The following RAB11FIP3 variants were observed in gnomAD, a reference collection of about 807,000 sequenced individuals.
RAB11FIP3 encodes RAB11 family interacting protein 3.
RAB11FIP3 carries 17 observed loss-of-function variants against 77.8 expected under a neutral mutation model. That is an observed-to-expected ratio of 0.22 (90% CI 0.15 to 0.33). The LOEUF (loss-of-function observed/expected upper bound fraction) is 0.33. RAB11FIP3 is among the 10% of genes least tolerant of loss of function. The pLI, the probability that RAB11FIP3 is intolerant of heterozygous loss-of-function variation, is 1.00. For synonymous variants in RAB11FIP3, 437 were observed against 448.2 expected (o/e 0.98, Z 0.31); for missense variants, 1,005 against 1,011.2 (o/e 0.99, Z 0.08).
intron 3 of RAB11FIP3, among the ~76,000 whole-genome samples, chr16:480,286 C>CAAA (rs56228402): frequency 1.2e-5 from 1 of 80,024 alleles, no homozygotes; most frequent in Non-Finnish European, 2.3e-5. Context: ...ACTCCTTCTC[C>CAAA]AAAAAAAAAA....
Position 470,034 on chromosome 16 carries a change from G to A in RAB11FIP3, c.809-1261G>A, listed in dbSNP as rs142910932. ...TTTTGAGATGGAGTCTTGCTCTGTC[G>A]CCCAGGCTGGAGTGCAGAGTGGTGT... On this transcript the variant is annotated intron_variant, in intron 2 of 13. Transcript: ENST00000262305. Among the ~76,000 whole-genome samples the A allele has an allele frequency of 8.6e-5, 13 of 150,606 alleles. No homozygotes were observed. The East Asian group carries it at 9.8e-4, about 11-fold the overall frequency.
intron 3 of RAB11FIP3, among the ~76,000 whole-genome samples, chr16:474,636 C>T (rs1039844167): frequency 6.6e-6 from 1 of 152,174 alleles, no homozygotes; most frequent in Non-Finnish European, 1.5e-5. Flanking sequence ...CCCGTCCTCC[C>T]TCCTTCTCCC....
intron 5 of RAB11FIP3, among the ~76,000 whole-genome samples, chr16:492,542 A>AGCCCTTCCCGGGG (rs1567392733): frequency 1.4e-5 from 1 of 70,682 alleles, no homozygotes; most frequent in African/African-American, 1.1e-4. Context: ...GGCCGTCCAG[A>AGCCCTTCCCGGGG]ATCTTGGATT....
chr16:469,549 C>T (rs2055773832), intron 2 of RAB11FIP3, among the ~76,000 whole-genome samples: 1 of 152,000 alleles, frequency 6.6e-6, no homozygotes, highest in Non-Finnish European at 1.5e-5. Flanking sequence ...CATGCCCCCA[C>T]CACACCTGGC....
In RAB11FIP3 at chr16:505,567, C is replaced by A. The variant is rs138453938; in HGVS notation, c.1439C>A (p.Thr480Lys). 1 of 1,607,054 alleles carries A rather than the reference C, an allele frequency of 6.2e-7. No individual in the cohort carries two copies. The highest frequency in any genetic ancestry group is 8.5e-7 in the Non-Finnish European group (1 of 1,179,656). ...CGTGTGCTGGAGCTGGAAAAGGACACGGCAGCCACCGGTGAGCAACACAGC... is the reference window on the plus strand; with the variant it reads ...CGTGTGCTGGAGCTGGAAAAGGACAAGGCAGCCACCGGTGAGCAACACAGC... The part of the protein sequence containing the change: ...ERRVLELEKD[T>K]AATGEQHSRL... The change falls in exon 8 of 14, where the codon ACG becomes AAG. Residue 480 changes from threonine (T) to lysine (K), a missense_variant. Thr to Lys is a moderately conservative substitution (Grantham distance 78, BLOSUM62 -1). This residue lies in a region of RAB11FIP3 where 433 missense variants were observed against 436.1 expected (regional missense o/e 0.99). Transcript: ENST00000262305. This position sits in a 1 kb window ranked among gnomAD's most constrained non-coding sequence, Gnocchi z 4.0.
In RAB11FIP3 at chr16:425,928, G is replaced by A. The variant is rs2054930588; in HGVS notation, c.-79G>A. The A allele has an allele frequency of 5.6e-6, 3 of 532,738 alleles. No individual in the cohort carries two copies. Among genetic ancestry groups the A allele is most frequent in the African/African-American group, 2.1e-5 (1 of 47,746 alleles). 33.0% of individuals were successfully genotyped at this position (532,738 alleles called of 1,614,324 possible). A position where few individuals can be genotyped will look rare whatever the true frequency, so the allele number is the denominator to read the frequency against. Reference sequence around the variant, plus strand: ...GCGCGCCCGCCCGCGCCGCCGAGGGGATGCCCGCGCCCGCCGCCGCGCCCT... The same window carrying A: ...GCGCGCCCGCCCGCGCCGCCGAGGGAATGCCCGCGCCCGCCGCCGCGCCCT... On this transcript the variant is annotated 5_prime_UTR_variant, in exon 1 of 14. Coordinates refer to ENST00000262305, the MANE Select transcript of RAB11FIP3 (RefSeq NM_014700.4).
intron 1 of RAB11FIP3, among the ~76,000 whole-genome samples, chr16:433,325 A>G (rs1347777151): frequency 7.0e-6 from 1 of 142,816 alleles, no homozygotes; most frequent in Admixed American, 7.3e-5. Flanking sequence ...GCCACCGCTC[A>G]TTGCATATTT....
chr16:520,324 C>T (rs1180058722), intron 12 of RAB11FIP3, 47 bp downstream of exon 12: 1 of 1,555,196 alleles, frequency 6.4e-7, no homozygotes, highest in Non-Finnish European at 8.7e-7. Flanking sequence ...CAGAAGCTTC[C>T]ACAAGACTGG....
At chr16:442,183 C>T (rs931319782) in intron 1 of RAB11FIP3, among the ~76,000 whole-genome samples, 5 of 151,990 alleles carry the variant, frequency 3.3e-5, no homozygotes, top group African/African-American at 4.8e-5. Context: ...TTGCCCAGGC[C>T]GGAGCGCAGT....
At chr16:478,191 ACTT>A (rs1395432758) in intron 3 of RAB11FIP3, among the ~76,000 whole-genome samples, 6 of 143,924 alleles carry the variant, frequency 4.2e-5, no homozygotes, top group South Asian at 2.2e-4. Flanking sequence ...CACACTGTCT[ACTT>A]CTTTTTTTTT....
At position 471,355 on chromosome 16, in the gene RAB11FIP3, G is replaced by A; in HGVS notation, c.869G>A (p.Cys290Tyr). Reference sequence around the variant, plus strand: ...GCCCAAGATGAGGAGCCCCTGGCCTGCCCGGACGAGTTCGATGACTTCGTC... The same window carrying A: ...GCCCAAGATGAGGAGCCCCTGGCCTACCCGGACGAGTTCGATGACTTCGTC... ...ASAQDEEPLA[C>Y]PDEFDDFVTY... Residue 290 changes from cysteine to tyrosine, a missense_variant, in exon 3 of 14, where the codon TGC becomes TAC. Cys to Tyr is a radical substitution (Grantham distance 194, BLOSUM62 -2). This residue lies in a region of RAB11FIP3 where 466 missense variants were observed against 408.3 expected (regional missense o/e 1.14). Coordinates refer to ENST00000262305, the MANE Select transcript of RAB11FIP3 (RefSeq NM_014700.4). This position sits in a 1 kb window ranked among gnomAD's most constrained non-coding sequence, Gnocchi z 4.4. The A allele has an allele frequency of 6.2e-7, 1 of 1,613,800 alleles. No individual in the cohort carries two copies. Among genetic ancestry groups the A allele is most frequent in the Non-Finnish European group, 8.5e-7 (1 of 1,179,790 alleles).
Position 512,918 on chromosome 16 carries a change from G to A in RAB11FIP3, c.1640+2118G>A, listed in dbSNP as rs546911615. On this transcript the variant is annotated intron_variant, in intron 9 of 13. Transcript: ENST00000262305. ...GCTGGTCTTGAACTCCTGGGCTCAA[G>A]CATTCCTCCCACCTCGGCCTCCCAA... Among the ~76,000 whole-genome samples, 163 of 152,150 alleles carry A rather than the reference G, an allele frequency of 1.1e-3. 8 individuals carry two copies. The South Asian group carries it at 0.033, about 31-fold the overall frequency.
At chr16:501,153 A>G (rs2031488804) in intron 6 of RAB11FIP3, among the ~76,000 whole-genome samples, 1 of 152,246 alleles carries the variant, frequency 6.6e-6, no homozygotes, top group Non-Finnish European at 1.5e-5. Flanking sequence ...TGAGAAGCAA[A>G]TCGAACTTCA....
intron 3 of RAB11FIP3, chr16:474,803 T>G: frequency 7.1e-7 from 1 of 1,411,580 alleles, no homozygotes; most frequent in Non-Finnish European, 9.2e-7. Context: ...CAAGGACACT[T>G]CCTGAACTTT....
intron 9 of RAB11FIP3, among the ~76,000 whole-genome samples, chr16:512,744 T>C (rs889913061): frequency 2.6e-5 from 4 of 151,510 alleles, no homozygotes; most frequent in African/African-American, 9.7e-5. Flanking sequence ...GGTTTCACCA[T>C]GTTGGCCAGG....
intron 7 of RAB11FIP3, among the ~76,000 whole-genome samples, chr16:503,553 G>C (rs964450872): frequency 2.6e-5 from 4 of 152,124 alleles, no homozygotes; most frequent in Non-Finnish European, 5.9e-5. Flanking sequence ...ATGGGTGACA[G>C]CAGCCAGGGC....
chr16:427,598 A>G lies in RAB11FIP3; in HGVS notation c.714+878A>G, dbSNP rs114518510. Among the ~76,000 whole-genome samples the G allele has an allele frequency of 8.2e-3, 1,245 of 152,376 alleles. 17 individuals carry two copies. Among genetic ancestry groups the G allele is most frequent in the African/African-American group, 0.028 (1,183 of 41,588 alleles). On this transcript the variant is annotated intron_variant, in intron 1 of 13. Transcript: ENST00000262305. ...GTGTTCTGCCAATAACCCGGTGGAC[A>G]TCAAATAATACCAGTGCTCACTTTT... is the stretch of plus-strand genomic sequence containing the variant.
In RAB11FIP3 at chr16:492,642, T is replaced by C. The variant is rs150717215; in HGVS notation, c.1265+3642T>C. On this transcript the variant is annotated intron_variant, in intron 5 of 13. Transcript: ENST00000262305. ...GGGTTCAAGGCCCGGCGACGATGGCTCAGCCTGCTTGGGGAGGGGCCATTT... is the reference window on the plus strand; with the variant it reads ...GGGTTCAAGGCCCGGCGACGATGGCCCAGCCTGCTTGGGGAGGGGCCATTT... Among the ~76,000 whole-genome samples the C allele has an allele frequency of 3.8e-3, 576 of 152,038 alleles. 5 individuals carry two copies. The highest frequency in any genetic ancestry group is 0.013 in the African/African-American group (526 of 41,402).
At chr16:518,852 C>T (rs2032537566) in intron 9 of RAB11FIP3, 91 bp from the exon 10 acceptor site, 2 of 1,373,042 alleles carry the variant, frequency 1.5e-6, no homozygotes, top group Non-Finnish European at 1.0e-6. Context: ...CACAGGGCGG[C>T]CCCAGCAGGG....
Sources: allele counts gnomAD v4.1 joint callset (sites outside exome capture counted in the v4.1 genomes callset), GRCh38; gene constraint gnomAD v4.1.1; regional missense constraint gnomAD v4.1.1; non-coding constraint Gnocchi (gnomAD v3.1); transcripts MANE v1.5; gene names NCBI Gene and HGNC (gene_info 2026-07-23, HGNC 2026-07-21).